Variants in PCDH9 observed in about 807,000 individuals in gnomAD.
PCDH9 encodes protocadherin 9, also known as protocadherin-9.
In PCDH9, 24 loss-of-function variants were observed where a neutral mutation model predicts 70.6. That is an observed-to-expected ratio of 0.34 (90% confidence interval 0.25 to 0.48). The LOEUF (loss-of-function observed/expected upper bound fraction) is 0.48, where lower values mean the gene tolerates loss of function less well. Ranked by LOEUF, PCDH9 falls within the 20% of genes least tolerant of loss-of-function variation. The pLI, the probability that PCDH9 is intolerant of heterozygous loss-of-function variation, is 0.99. For missense variants in PCDH9, 1,281 were observed against 1,503.6 expected (o/e 0.85, Z 2.45); for synonymous variants, 562 against 558.5 (o/e 1.01, Z -0.09).
At chr13:66,780,476 C>T (rs80259768) in intron 3 of PCDH9, among the ~76,000 whole-genome samples, 2,689 of 152,208 alleles carry the variant, frequency 0.018, 77 homozygotes, top group African/African-American at 0.062. Flanking sequence ...CCAGAAGCTA[C>T]CTGTCTTAGA....
chr13:67,198,075 T>C (rs970636656), intron 2 of PCDH9, among the ~76,000 whole-genome samples: 2 of 151,644 alleles, frequency 1.3e-5, no homozygotes, highest in Admixed American at 6.6e-5. Context: ...AGTTGTTCAA[T>C]GATTTTTATG....
At chr13:66,440,842 C>T (rs1178373697) in intron 4 of PCDH9, among the ~76,000 whole-genome samples, 1 of 151,990 alleles carries the variant, frequency 6.6e-6, no homozygotes, top group Non-Finnish European at 1.5e-5. Flanking sequence ...TTCTCCTTGC[C>T]AGCATGCTAT....
chr13:67,053,366 G>A (rs551094570), intron 2 of PCDH9, among the ~76,000 whole-genome samples: 1 of 152,224 alleles, frequency 6.6e-6, no homozygotes, highest in South Asian at 2.1e-4. Context: ...AGACGAAACA[G>A]GACATAGGAC....
chr13:66,731,886 T>C (rs529857923), intron 3 of PCDH9, among the ~76,000 whole-genome samples: 1 of 152,142 alleles, frequency 6.6e-6, no homozygotes, highest in African/African-American at 2.4e-5. Context: ...TCATGACAAA[T>C]AGACTCTGCT....
At chr13:66,694,824 C>T (rs2078536983) in intron 3 of PCDH9, among the ~76,000 whole-genome samples, 1 of 151,748 alleles carries the variant, frequency 6.6e-6, no homozygotes, top group South Asian at 2.1e-4. Flanking sequence ...CATATCCAAG[C>T]ACATTTCAGG....
chr13:67,026,241 G>A (rs2084778344), intron 2 of PCDH9, among the ~76,000 whole-genome samples: 1 of 152,204 alleles, frequency 6.6e-6, no homozygotes, highest in East Asian at 1.9e-4. Flanking sequence ...GCTGGATTTG[G>A]TTCCCCAGTA....
At chr13:67,114,164 TG>T (rs1420049032) in intron 2 of PCDH9, among the ~76,000 whole-genome samples, 1 of 152,212 alleles carries the variant, frequency 6.6e-6, no homozygotes, top group Non-Finnish European at 1.5e-5. Flanking sequence ...TTCCCTGGAC[TG>T]GAGTTCTGTT....
intron 2 of PCDH9, among the ~76,000 whole-genome samples, chr13:66,955,421 T>C (rs2083252084): frequency 6.6e-6 from 1 of 152,200 alleles, no homozygotes; most frequent in South Asian, 2.1e-4. Context: ...GAGTCATCAT[T>C]CCACTTTTTA....
intron 3 of PCDH9, among the ~76,000 whole-genome samples, chr13:66,896,747 A>T (rs9571684): frequency 0.25 from 37,414 of 151,978 alleles, 5,563 homozygotes; most frequent in East Asian, 0.38. Context: ...TTTAATAGCC[A>T]CTGCAGTTTT....
At chr13:66,782,533 GA>G (rs779281414) in intron 3 of PCDH9, among the ~76,000 whole-genome samples, 2 of 151,830 alleles carry the variant, frequency 1.3e-5, no homozygotes, top group African/African-American at 2.4e-5. Flanking sequence ...GATTTCAAAA[GA>G]AAAAAAGCCA....
intron 2 of PCDH9, among the ~76,000 whole-genome samples, chr13:67,021,911 T>C (rs571862080): frequency 6.6e-6 from 1 of 152,060 alleles, no homozygotes; most frequent in East Asian, 1.9e-4. Flanking sequence ...TATGTGTATA[T>C]ATATGTATGT....
intron 3 of PCDH9, among the ~76,000 whole-genome samples, chr13:66,714,547 G>A (rs1225064780): frequency 6.6e-6 from 1 of 151,928 alleles, no homozygotes; most frequent in Non-Finnish European, 1.5e-5. Flanking sequence ...TAACGGTTAT[G>A]AAAATATTAA....
intron 2 of PCDH9, chr13:67,224,712 T>C (rs1054038287): frequency 3.4e-6 from 2 of 583,496 alleles, no homozygotes; most frequent in South Asian, 7.5e-5. Flanking sequence ...AAATCAGTTA[T>C]ATTAGGCAGC....
chr13:66,671,061 TTCTCATGATAGTGAATAAG>T (rs1406395486), intron 3 of PCDH9, among the ~76,000 whole-genome samples: 1 of 152,128 alleles, frequency 6.6e-6, no homozygotes, highest in African/African-American at 2.4e-5. Context: ...TCCCATTCTG[TTCTCATGATAGTGAATAAG>T]TCTCAAGAGA....
intron 3 of PCDH9, among the ~76,000 whole-genome samples, chr13:66,754,273 T>C (rs2139233598): frequency 6.6e-6 from 1 of 152,216 alleles, no homozygotes; most frequent in Non-Finnish European, 1.5e-5. Context: ...AAATACCTAA[T>C]GTAGATGATG....
chr13:66,355,850 C>A (rs575117026), intron 4 of PCDH9, among the ~76,000 whole-genome samples: 6 of 152,102 alleles, frequency 3.9e-5, no homozygotes, highest in African/African-American at 1.2e-4. Context: ...CTGAAAAGAA[C>A]AAGAATTGAC....
At chr13:66,738,317 A>G (rs1325869036) in intron 3 of PCDH9, among the ~76,000 whole-genome samples, 2 of 151,768 alleles carry the variant, frequency 1.3e-5, no homozygotes, top group Non-Finnish European at 2.9e-5. Context: ...AACAGAAAGG[A>G]CATCCACACC....
intron 4 of PCDH9, among the ~76,000 whole-genome samples, chr13:66,519,975 C>T (rs946217990): frequency 2.0e-5 from 3 of 152,104 alleles, no homozygotes; most frequent in African/African-American, 4.8e-5. Flanking sequence ...TTCTGTTACT[C>T]AGATAGTTCT....
intron 4 of PCDH9, among the ~76,000 whole-genome samples, chr13:66,404,736 C>A (rs373751134): frequency 2.6e-5 from 4 of 152,002 alleles, no homozygotes; most frequent in African/African-American, 9.7e-5. Context: ...GAGAGTAGAA[C>A]TAAATAATAT....
Sources: gnomAD v4.1 joint callset for allele counts (sites outside exome capture counted in the v4.1 genomes callset) on GRCh38, gnomAD v4.1.1 for gene constraint, MANE v1.5 for transcripts, NCBI Gene and HGNC (gene_info 2026-07-23, HGNC 2026-07-21) for gene names.